Variants in CTNNA2 observed in about 807,000 individuals in gnomAD.
The protein encoded by CTNNA2 is catenin alpha 2.
CTNNA2 carries 42 observed loss-of-function variants against 101.0 expected under a neutral mutation model. The ratio of observed to expected loss-of-function variants is 0.42; its 90% CI spans 0.32 to 0.54. The LOEUF (loss-of-function observed/expected upper bound fraction) is 0.54, where lower values mean the gene tolerates loss of function less well. CTNNA2 is among the 20% of genes least tolerant of loss of function. The pLI is 0.14. For missense variants in CTNNA2, 871 were observed against 1,223.1 expected, an observed-to-expected ratio of 0.71 and a Z score of 4.29; for synonymous variants, 450 against 456.4, an observed-to-expected ratio of 0.99 and a Z score of 0.18.
intron 1 of CTNNA2, among the ~76,000 whole-genome samples, chr2:79,628,101 T>C (rs1679437284): frequency 1.3e-5 from 2 of 152,192 alleles, no homozygotes; most frequent in South Asian, 4.1e-4. Context: ...TAGTTGGTAT[T>C]TTGACCTAGG....
intron 1 of CTNNA2, among the ~76,000 whole-genome samples, chr2:79,545,874 T>G (rs1673700801): frequency 6.6e-6 from 1 of 152,204 alleles, no homozygotes; most frequent in South Asian, 2.1e-4. Flanking sequence ...TATAAAGCAC[T>G]TCATATGTGT....
At chr2:80,307,407 A>C (rs1422258092) in intron 7 of CTNNA2, among the ~76,000 whole-genome samples, 1 of 152,180 alleles carries the variant, frequency 6.6e-6, no homozygotes, top group Non-Finnish European at 1.5e-5. Flanking sequence ...CACCACAGCA[A>C]GTCGATATGG....
chr2:80,589,905 TGC>T (rs1491295632), intron 15 of CTNNA2, among the ~76,000 whole-genome samples: 31 of 114,562 alleles, frequency 2.7e-4, no homozygotes, highest in South Asian at 1.4e-3. Flanking sequence ...TGTGTGTGTG[TGC>T]GCGCGCGCGC....
At chr2:80,109,199 G>A (rs758208328) in intron 7 of CTNNA2, among the ~76,000 whole-genome samples, 7 of 152,198 alleles carry the variant, frequency 4.6e-5, no homozygotes, top group African/African-American at 1.2e-4. Flanking sequence ...GGTGGCTCAC[G>A]CCTGTAATCC....
At chr2:80,461,283 G>C (rs1684399545) in intron 9 of CTNNA2, among the ~76,000 whole-genome samples, 1 of 152,130 alleles carries the variant, frequency 6.6e-6, no homozygotes, top group Admixed American at 6.5e-5. Flanking sequence ...CATGATGTCT[G>C]ATCACCCTGG....
chr2:79,495,155 T>C (rs576785948), intron 4 of CTNNA2, among the ~76,000 whole-genome samples: 3 of 152,164 alleles, frequency 2.0e-5, no homozygotes, highest in African/African-American at 7.2e-5. Context: ...ACTTTTGCGC[T>C]GCAAATGACA....
At chr2:80,021,063 G>A (rs867918384) in intron 7 of CTNNA2, among the ~76,000 whole-genome samples, 9 of 145,376 alleles carry the variant, frequency 6.2e-5, no homozygotes, top group African/African-American at 2.0e-4. Context: ...GTGCGGTGGC[G>A]TGATCTTGGC....
chr2:80,509,561 A>G (rs1688537991), intron 9 of CTNNA2, among the ~76,000 whole-genome samples: 1 of 152,178 alleles, frequency 6.6e-6, no homozygotes, highest in Non-Finnish European at 1.5e-5. Flanking sequence ...AGAGTGTGCT[A>G]GGAAATGCCA....
intron 2 of CTNNA2, among the ~76,000 whole-genome samples, chr2:79,282,499 T>A (rs564527035): frequency 5.3e-5 from 8 of 151,830 alleles, no homozygotes; most frequent in African/African-American, 1.4e-4. Flanking sequence ...TGAGTGAGAA[T>A]ATGCGGTGTC....
chr2:79,195,099 G>T (rs1304383968), intron 1 of CTNNA2, among the ~76,000 whole-genome samples: 1 of 151,998 alleles, frequency 6.6e-6, no homozygotes, highest in African/African-American at 2.4e-5. Flanking sequence ...TTCTTCCGAG[G>T]AATTTTTAAT....
chr2:80,596,931 T>G (rs531074458), intron 15 of CTNNA2, among the ~76,000 whole-genome samples: 4 of 152,284 alleles, frequency 2.6e-5, no homozygotes, highest in African/African-American at 9.6e-5. Flanking sequence ...GATGTTGAAT[T>G]TTATCGAAGG....
chr2:80,574,719 A>T (rs2149704190), intron 13 of CTNNA2, among the ~76,000 whole-genome samples: 1 of 152,322 alleles, frequency 6.6e-6, no homozygotes, highest in African/African-American at 2.4e-5. Flanking sequence ...AGTTATTATC[A>T]TGCAACTATG....
intron 2 of CTNNA2, among the ~76,000 whole-genome samples, chr2:79,203,469 G>C (rs1674063363): frequency 6.6e-6 from 1 of 152,140 alleles, no homozygotes; most frequent in African/African-American, 2.4e-5. Context: ...TTTCCACAGT[G>C]GGGAGGGAAG....
chr2:79,700,356 G>A (rs998371199), intron 2 of CTNNA2, among the ~76,000 whole-genome samples: 8 of 152,096 alleles, frequency 5.3e-5, no homozygotes, highest in African/African-American at 1.9e-4. Context: ...ATGCTCTTCT[G>A]TTTAGCCATA....
intron 1 of CTNNA2, among the ~76,000 whole-genome samples, chr2:79,640,334 A>G (rs1349471780): frequency 1.3e-5 from 2 of 152,154 alleles, no homozygotes; most frequent in Admixed American, 6.5e-5. Context: ...ATTGTGGGCT[A>G]ACCTGCACAG....
intron 3 of CTNNA2, among the ~76,000 whole-genome samples, chr2:79,767,892 G>C (rs977929829): frequency 6.6e-6 from 1 of 151,540 alleles, no homozygotes; most frequent in Non-Finnish European, 1.5e-5. Context: ...GAGCTGTGCA[G>C]CCTGGGGTTA....
At chr2:79,439,099 C>T (rs745759167) in intron 4 of CTNNA2, among the ~76,000 whole-genome samples, 7 of 152,098 alleles carry the variant, frequency 4.6e-5, no homozygotes, top group Non-Finnish European at 7.4e-5. Context: ...AATATATGTC[C>T]ACACAAAAGC....
rs1170637332 is a variant in CTNNA2, at chr2:79,753,867, C to CTTT, written c.298+9302_298+9304dup. Among the ~76,000 whole-genome samples the CTTT allele has an allele frequency of 5.9e-4, 79 of 134,898 alleles. 1 individual carries two copies. Among genetic ancestry groups the CTTT allele is most frequent in the African/African-American group, 1.9e-3 (68 of 35,304 alleles). 88.5% of individuals were successfully genotyped at this position (134,898 alleles called of 152,430 possible). A position where few individuals can be genotyped will look rare whatever the true frequency, so the allele number is the denominator to read the frequency against. On this transcript the variant is annotated intron_variant, in intron 3 of 18. Coordinates refer to ENST00000402739, the MANE Select transcript of CTNNA2 (RefSeq NM_001282597.3). ...CCACTATTTTCTTTTCTTTTTCTCTCTTTTTTTTTTTTTTTTTTTGAGATG... is the reference window on the plus strand; with the variant it reads ...CCACTATTTTCTTTTCTTTTTCTCTCTTTTTTTTTTTTTTTTTTTTTTGAGATG...
At chr2:79,654,224 G>A (rs533158439) in intron 2 of CTNNA2, among the ~76,000 whole-genome samples, 1 of 152,250 alleles carries the variant, frequency 6.6e-6, no homozygotes, top group Admixed American at 6.5e-5. Flanking sequence ...TACATTTTTA[G>A]GTATTTGTTA....
Sources: allele counts gnomAD v4.1 joint callset (sites outside exome capture counted in the v4.1 genomes callset), GRCh38; gene constraint gnomAD v4.1.1; transcripts MANE v1.5; gene names NCBI Gene and HGNC (gene_info 2026-07-23, HGNC 2026-07-21).